The following PRKG1 variants were observed in gnomAD, a reference collection of about 807,000 sequenced individuals.
PRKG1 encodes protein kinase cGMP-dependent 1, also known as cGMP-dependent protein kinase 1.
In PRKG1, 35 loss-of-function variants were observed where a neutral mutation model predicts 88.1. That is an observed-to-expected ratio of 0.40 (90% CI 0.30 to 0.53). The LOEUF is 0.53. PRKG1 is among the 20% of genes least tolerant of loss of function. PRKG1 has a pLI of 0.59. For synonymous variants in PRKG1, 303 were observed against 292.5 expected (o/e 1.04, Z -0.37); for missense variants, 540 against 839.8 (o/e 0.64, Z 4.41).
At chr10:51,904,937 A>G (rs1263849324) in intron 4 of PRKG1, among the ~76,000 whole-genome samples, 1 of 152,174 alleles carries the variant, frequency 6.6e-6, no homozygotes, top group Non-Finnish European at 1.5e-5. Context: ...CAGAGCCTAA[A>G]GTAAAATAAT....
chr10:51,101,744 G>C (rs1029554302), intron 1 of PRKG1, among the ~76,000 whole-genome samples: 4 of 152,196 alleles, frequency 2.6e-5, no homozygotes, highest in Admixed American at 2.0e-4. Context: ...ATGGAAGAGA[G>C]AGAAACTTCT....
chr10:51,691,983 T>C (rs1841155937), intron 3 of PRKG1, among the ~76,000 whole-genome samples: 1 of 152,238 alleles, frequency 6.6e-6, no homozygotes, highest in Admixed American at 6.5e-5. Flanking sequence ...TGAGGATCTT[T>C]TCCTCTGATG....
At chr10:52,012,334 C>A (rs569245026) in intron 5 of PRKG1, among the ~76,000 whole-genome samples, 1 of 151,758 alleles carries the variant, frequency 6.6e-6, no homozygotes, top group African/African-American at 2.4e-5. Context: ...CTCCACCTCC[C>A]GGGTTCAAGC....
chr10:51,946,884 C>G, intron 5 of PRKG1, among the ~76,000 whole-genome samples: 1 of 152,094 alleles, frequency 6.6e-6, no homozygotes, highest in Middle Eastern at 3.4e-3. Flanking sequence ...GGGGGTGCCT[C>G]CCAGTTAGGC....
chr10:51,979,611 CT>C (rs71032612), intron 5 of PRKG1, among the ~76,000 whole-genome samples: 28,778 of 72,108 alleles, frequency 0.4, 4,094 homozygotes, highest in South Asian at 0.53. Flanking sequence ...TGGTCCTGGG[CT>C]TTTTTTTTTT....
At position 51,468,324 on chromosome 10, in the gene PRKG1, G is replaced by C. The variant is rs150485609; in HGVS notation, c.592+488G>C. ...TCTCCTGAATTCTAAAACTGCATCT[G>C]AGTATATTTTTGCCCTCAGCTGCTC... is the stretch of plus-strand genomic sequence containing the variant. On this transcript the variant is annotated intron_variant, in intron 3 of 17. Coordinates refer to ENST00000373980, the MANE Select transcript of PRKG1 (RefSeq NM_006258.4). Among the ~76,000 whole-genome samples the C allele has an allele frequency of 5.0e-3, 760 of 151,840 alleles. 6 individuals carry two copies. The highest frequency in any genetic ancestry group is 0.017 in the African/African-American group (724 of 41,490).
rs141401719 is a variant in PRKG1, at chr10:51,112,571, A to T, written c.311+37670A>T. Among the ~76,000 whole-genome samples, 135 of 152,262 alleles carry T rather than the reference A, an allele frequency of 8.9e-4. 2 individuals are homozygous for T. Among genetic ancestry groups the T allele is most frequent in the African/African-American group, 3.1e-3 (129 of 41,564 alleles). Reference sequence around the variant, plus strand: ...CATTTGCCAGAAATGTTGCTAGTTAAAATTTACAAAACTATTGTGACATAT... The same window carrying T: ...CATTTGCCAGAAATGTTGCTAGTTATAATTTACAAAACTATTGTGACATAT... On this transcript the variant is annotated intron_variant, in intron 1 of 17. Coordinates refer to ENST00000373980, the MANE Select transcript of PRKG1 (RefSeq NM_006258.4).
intron 5 of PRKG1, among the ~76,000 whole-genome samples, chr10:51,946,477 G>A (rs571912914): frequency 1.6e-4 from 24 of 152,184 alleles, no homozygotes; most frequent in African/African-American, 5.5e-4. Context: ...GTCATTCTCT[G>A]TCCAGCTTTG....
intron 3 of PRKG1, among the ~76,000 whole-genome samples, chr10:51,727,799 G>A (rs933824668): frequency 2.6e-5 from 4 of 151,992 alleles, no homozygotes; most frequent in African/African-American, 9.7e-5. Flanking sequence ...GAGTTCCAAG[G>A]GAGTTATTAT....
chr10:52,228,919 G>A (rs1283020912), intron 9 of PRKG1, among the ~76,000 whole-genome samples: 9 of 152,166 alleles, frequency 5.9e-5, no homozygotes, highest in Non-Finnish European at 8.8e-5. Context: ...ATGTCAGTTC[G>A]TCTCAGAAAC....
intron 7 of PRKG1, among the ~76,000 whole-genome samples, chr10:52,082,540 C>T (rs1218115415): frequency 6.6e-6 from 1 of 152,106 alleles, no homozygotes; most frequent in Admixed American, 6.6e-5. Context: ...TGCAAATTGT[C>T]TCTGGCAAGC....
chr10:51,457,780 C>G (rs1241065524), intron 2 of PRKG1, among the ~76,000 whole-genome samples: 6 of 152,112 alleles, frequency 3.9e-5, no homozygotes, highest in African/African-American at 1.4e-4. Flanking sequence ...CTACCATCTT[C>G]CTTGACTGCC....
intron 5 of PRKG1, among the ~76,000 whole-genome samples, chr10:52,023,057 C>A (rs1845227402): frequency 1.3e-5 from 2 of 152,076 alleles, no homozygotes; most frequent in African/African-American, 2.4e-5. Context: ...CTAATGCAAT[C>A]CTGACCCTAG....
At chr10:51,005,639 A>C (rs11818496) in intron 1 of PRKG1, among the ~76,000 whole-genome samples, 3,594 of 152,344 alleles carry the variant, frequency 0.024, 77 homozygotes, top group African/African-American at 0.055. Context: ...CAACTCTAGA[A>C]TGAATTTCTT....
intron 5 of PRKG1, among the ~76,000 whole-genome samples, chr10:51,940,972 A>C (rs143735629): frequency 1.3e-5 from 2 of 152,088 alleles, no homozygotes; most frequent in African/African-American, 4.8e-5. Context: ...AGATAGAGAA[A>C]AGTATCAACT....
chr10:52,051,626 G>T (rs769468174), intron 5 of PRKG1, among the ~76,000 whole-genome samples: 6 of 152,210 alleles, frequency 3.9e-5, no homozygotes, highest in Non-Finnish European at 7.3e-5. Context: ...GTTACAGGAT[G>T]TACCTTAGGT....
chr10:51,064,588 G>C (rs1843728059), intron 1 of PRKG1, among the ~76,000 whole-genome samples: 5 of 151,714 alleles, frequency 3.3e-5, no homozygotes, highest in Non-Finnish European at 2.9e-5. Context: ...GTTTTTTTAA[G>C]GTTGACAACA....
At chr10:51,343,002 AG>A (rs1053887233) in intron 2 of PRKG1, among the ~76,000 whole-genome samples, 1 of 152,220 alleles carries the variant, frequency 6.6e-6, no homozygotes, top group African/African-American at 2.4e-5. Context: ...ATTCAGGGGT[AG>A]GGGTTAAGGT....
At chr10:51,725,996 G>T (rs1589235449) in intron 3 of PRKG1, among the ~76,000 whole-genome samples, 1 of 152,152 alleles carries the variant, frequency 6.6e-6, no homozygotes, top group African/African-American at 2.4e-5. Context: ...ATTCTCCTAG[G>T]TGAGCAATGC....
Sources: gnomAD v4.1 joint callset for allele counts (sites outside exome capture counted in the v4.1 genomes callset) on GRCh38, gnomAD v4.1.1 for gene constraint, MANE v1.5 for transcripts, NCBI Gene and HGNC (gene_info 2026-07-23, HGNC 2026-07-21) for gene names.